The following DENND5A variants were observed in gnomAD, a reference collection of about 807,000 sequenced individuals.
The protein encoded by DENND5A is DENN domain-containing protein 5A.
A neutral mutation model predicts 140.3 loss-of-function variants in DENND5A; 64 were observed. The observed-to-expected ratio is 0.46, with a 90% CI of 0.37 to 0.56. The LOEUF (loss-of-function observed/expected upper bound fraction) is 0.56. DENND5A is among the 20% of genes least tolerant of loss of function. The probability of loss-of-function intolerance (pLI) is 0.00; values close to 1 mark genes in which losing one functional copy is unlikely to be tolerated. For missense variants in DENND5A, 1,292 were observed against 1,593.8 expected (o/e 0.81, Z 3.22); for synonymous variants, 605 against 607.7 (o/e 1.00, Z 0.07).
intron 1 of DENND5A, among the ~76,000 whole-genome samples, chr11:9,210,179 C>G (rs537093265): frequency 1.3e-5 from 2 of 152,138 alleles, no homozygotes; most frequent in African/African-American, 4.8e-5. Flanking sequence ...CTCCTGAAAC[C>G]TGTGTATCAC....
chr11:9,235,857 T>G (rs1850978706), intron 1 of DENND5A, among the ~76,000 whole-genome samples: 1 of 152,100 alleles, frequency 6.6e-6, no homozygotes, highest in Admixed American at 6.6e-5. Flanking sequence ...GAGTGCAGCA[T>G]TTTCTTTTGA....
intron 12 of DENND5A, among the ~76,000 whole-genome samples, chr11:9,160,352 G>T (rs1847937559): frequency 6.6e-6 from 1 of 152,138 alleles, no homozygotes; most frequent in Admixed American, 6.5e-5. Context: ...GTGAATATAT[G>T]ATTAGTGAAG....
At position 9,204,308 on chromosome 11, in the gene DENND5A, G is replaced by T. The variant is rs2136212542; in HGVS notation, c.301C>A (p.Pro101Thr). The T allele has an allele frequency of 6.2e-7, 1 of 1,609,078 alleles. No individual in the cohort carries two copies. The highest frequency in any genetic ancestry group is 8.5e-7 in the Non-Finnish European group (1 of 1,179,536). Residue 101 changes from proline to threonine, a missense_variant, in exon 4 of 23, where the codon CCG becomes ACG. By Grantham distance (38) the Pro-to-Thr change is conservative. Coordinates refer to ENST00000328194, the MANE Select transcript of DENND5A (RefSeq NM_015213.4). ...DQDAVGMLCM[P>T]KGLAFKTQAD... Reference sequence around the variant, plus strand: ...TGGGTCTTGAATGCCAGCCCTTTCGGCATACATAGCTGCAAAAGACAACAA... The same window carrying T: ...TGGGTCTTGAATGCCAGCCCTTTCGTCATACATAGCTGCAAAAGACAACAA...
chr11:9,182,851 G>T (rs923806529), intron 5 of DENND5A, among the ~76,000 whole-genome samples: 2 of 152,114 alleles, frequency 1.3e-5, no homozygotes, highest in Non-Finnish European at 2.9e-5. Flanking sequence ...GCACTGTAGG[G>T]TGACTACACT....
chr11:9,213,995 T>TA (rs1849987485), intron 1 of DENND5A, among the ~76,000 whole-genome samples: 1 of 152,154 alleles, frequency 6.6e-6, no homozygotes, highest in African/African-American at 2.4e-5. Flanking sequence ...TGCATACGTC[T>TA]AAGTTAATAT....
At chr11:9,264,600 T>TA (rs1197702023) in intron 1 of DENND5A, among the ~76,000 whole-genome samples, 1 of 152,122 alleles carries the variant, frequency 6.6e-6, no homozygotes, top group African/African-American at 2.4e-5. Flanking sequence ...GGGTGGAACT[T>TA]ACTTTCACTA....
intron 1 of DENND5A, among the ~76,000 whole-genome samples, chr11:9,225,994 T>C (rs1042471325): frequency 2.0e-5 from 3 of 151,544 alleles, no homozygotes; most frequent in Non-Finnish European, 4.4e-5. Context: ...GTGGGAGGAC[T>C]GATTGAGCCA....
chr11:9,246,969 G>A (rs1017053530), intron 1 of DENND5A, among the ~76,000 whole-genome samples: 5 of 152,102 alleles, frequency 3.3e-5, no homozygotes, highest in Middle Eastern at 3.2e-3. Context: ...GGTGGCTCAC[G>A]CCTGTAATCC....
intron 1 of DENND5A, among the ~76,000 whole-genome samples, chr11:9,217,424 G>A (rs920684612): frequency 6.6e-5 from 10 of 152,048 alleles, no homozygotes; most frequent in Non-Finnish European, 1.3e-4. Flanking sequence ...TGAGGCAGGA[G>A]AATAGCTAGA....
chr11:9,178,076 A>G (rs569335670), intron 8 of DENND5A, 56 bp downstream of exon 8: 1 of 1,188,540 alleles, frequency 8.4e-7, no homozygotes, highest in Non-Finnish European at 1.3e-6. Context: ...AGGAAAAGGG[A>G]CATGTTAATG....
At chr11:9,144,588 C>T (rs1454045713) in intron 18 of DENND5A, among the ~76,000 whole-genome samples, 2 of 152,098 alleles carry the variant, frequency 1.3e-5, no homozygotes, top group Non-Finnish European at 2.9e-5. Flanking sequence ...GTCAGGAGTT[C>T]AAGACCAGCC....
At chr11:9,206,909 T>C (rs1564915606) in intron 2 of DENND5A, 127 bp from the exon 3 acceptor site, 1 of 666,188 alleles carries the variant, frequency 1.5e-6, no homozygotes, top group Non-Finnish European at 2.6e-6. Context: ...ATGCCAACCA[T>C]CTAAGAATAA....
intron 1 of DENND5A, among the ~76,000 whole-genome samples, chr11:9,232,663 A>T (rs915747161): frequency 2.6e-5 from 4 of 152,234 alleles, no homozygotes; most frequent in Non-Finnish European, 4.4e-5. Context: ...ACTGTCTGGC[A>T]GCACCTACTA....
At chr11:9,193,757 T>C (rs1333283778) in intron 4 of DENND5A, 76 bp from the exon 5 acceptor site, 2 of 1,271,454 alleles carry the variant, frequency 1.6e-6, no homozygotes, top group Non-Finnish European at 2.2e-6. Context: ...AACAGTAAGT[T>C]AAAACTTTCA....
chr11:9,184,889 T>C (rs998494515), intron 5 of DENND5A, among the ~76,000 whole-genome samples: 11 of 152,224 alleles, frequency 7.2e-5, no homozygotes, highest in African/African-American at 2.7e-4. Context: ...TTTTTCTTCA[T>C]TTAGAAAATC....
At chr11:9,145,493 G>A in intron 17 of DENND5A, 177 bp downstream of exon 17, 1 of 717,144 alleles carries the variant, frequency 1.4e-6, no homozygotes. Flanking sequence ...ACAGGGTGGG[G>A]TCCCCCTCCT....
Position 9,219,037 on chromosome 11 carries a change from AATTT to A in DENND5A, c.110-11409_110-11406del, listed in dbSNP as rs551273551. Among the ~76,000 whole-genome samples the A allele has an allele frequency of 2.9e-3, 446 of 152,150 alleles. 2 individuals are homozygous for A. The highest frequency in any genetic ancestry group is 0.01 in the African/African-American group (419 of 41,550). ...AATAAATAAACAAATAAATGAAATA[AATTT>A]ATTTATTTATTTAAGAAATAATAAA... On this transcript the variant is annotated intron_variant, in intron 1 of 22. Coordinates refer to ENST00000328194, the MANE Select transcript of DENND5A (RefSeq NM_015213.4).
At chr11:9,226,610 CT>C (rs1440017726) in intron 1 of DENND5A, among the ~76,000 whole-genome samples, 1 of 151,828 alleles carries the variant, frequency 6.6e-6, no homozygotes, top group African/African-American at 2.4e-5. Context: ...TAAAGTTTTC[CT>C]TTTTTTTAAA....
chr11:9,245,315 A>G (rs1590331287), intron 1 of DENND5A: 2 of 147,022 alleles, frequency 1.4e-5, no homozygotes, highest in African/African-American at 5.0e-5. Flanking sequence ...AAAACAAAAA[A>G]TGCAGTGGCT....
Sources: gnomAD v4.1 joint callset for allele counts (sites outside exome capture counted in the v4.1 genomes callset) on GRCh38, gnomAD v4.1.1 for gene constraint, MANE v1.5 for transcripts, NCBI Gene and HGNC (gene_info 2026-07-23, HGNC 2026-07-21) for gene names.